The following MLF1 variants were observed in gnomAD, a reference collection of about 807,000 sequenced individuals.
MLF1 encodes myelodysplasia-myeloid leukemia factor 1.
In MLF1, 37 loss-of-function variants were observed where a neutral mutation model predicts 38.3. The ratio of observed to expected loss-of-function variants is 0.96; its 90% CI spans 0.74 to 1.27. The LOEUF is 1.27. Ranked by LOEUF, MLF1 falls within the 50% of genes most tolerant of loss-of-function variation. The probability of loss-of-function intolerance (pLI) is 0.00; values close to 1 mark genes in which losing one functional copy is unlikely to be tolerated. For missense variants in MLF1, 331 were observed against 349.2 expected (o/e 0.95, Z 0.42); for synonymous variants, 95 against 106.5 (o/e 0.89, Z 0.66).
intron 1 of MLF1, among the ~76,000 whole-genome samples, chr3:158,574,431 G>A (rs1715053471): frequency 1.3e-5 from 2 of 150,854 alleles, no homozygotes; most frequent in African/African-American, 4.9e-5. Context: ...ACTTTGGGAG[G>A]CCGAGGTGGG....
chr3:158,583,916 C>T (rs538856289), intron 1 of MLF1, among the ~76,000 whole-genome samples: 2 of 152,240 alleles, frequency 1.3e-5, no homozygotes, highest in South Asian at 2.1e-4. Context: ...ACCAACAGAG[C>T]TCCAACTGGA....
At position 158,598,124 on chromosome 3, in the gene MLF1, C is replaced by T. The variant is rs1473803473; in HGVS notation, c.369C>T (p.Ser123=). ...CAAATGGACATTCATTTTGTTCTTC[C>T]TCAGTTATGACTTATTCCAAAATAG... The part of the protein sequence containing the change: ...VDPNGHSFCS[S]SVMTYSKIGD... Residue 123 remains serine, a synonymous_variant, in exon 5 of 8, where the codon TCC becomes TCT. Transcript: ENST00000466246. 3 of 1,613,612 alleles carry T rather than the reference C, an allele frequency of 1.9e-6. No individual in the cohort carries two copies. In the Admixed American group the frequency reaches 5.0e-5, roughly 27 times the overall value.
Position 158,605,564 on chromosome 3 carries a change from A to G in MLF1, c.*362A>G. On this transcript the variant is annotated 3_prime_UTR_variant, in exon 8 of 8. Transcript: ENST00000466246. ...GTTCTATCACTTATAATTAGTTATA[A>G]GAAATTATAATGTTAAAAAAGTCTC... The G allele has an allele frequency of 4.8e-6, 1 of 206,974 alleles. No individual in the cohort carries two copies. The allele number at this position is 206,974 out of a possible 1,614,324, so 12.8% of individuals were successfully genotyped here. A position where few individuals can be genotyped will look rare whatever the true frequency, so the allele number is the denominator to read the frequency against.
Position 158,586,164 on chromosome 3 carries a change from C to CA in MLF1, c.48-6256dup, listed in dbSNP as rs11297914. 5.3e-3 allele frequency among the ~76,000 whole-genome samples: 659 copies of CA among 125,120 alleles called. 6 individuals are homozygous for CA. The highest frequency in any genetic ancestry group is 0.015 in the African/African-American group (524 of 34,686). The allele number at this position is 125,120 out of a possible 152,430, so 82.1% of individuals were successfully genotyped here. A position where few individuals can be genotyped will look rare whatever the true frequency, so the allele number is the denominator to read the frequency against. On this transcript the variant is annotated intron_variant, in intron 1 of 7. Transcript: ENST00000466246. ...GGGCAGCAAGAGTGAAACTCTGTCTCAAAAAAAAAAAAAAGAAAAGAAAAA... is the reference window on the plus strand; with the variant it reads ...GGGCAGCAAGAGTGAAACTCTGTCTCAAAAAAAAAAAAAAAGAAAAGAAAAA...
intron 1 of MLF1, among the ~76,000 whole-genome samples, chr3:158,575,830 A>T (rs185848487): frequency 6.6e-6 from 1 of 152,144 alleles, no homozygotes; most frequent in Non-Finnish European, 1.5e-5. Flanking sequence ...TAATTAGAAC[A>T]TTACGATTTT....
intron 3 of MLF1, 141 bp from the exon 4 acceptor site, chr3:158,596,721 A>G (rs1371370792): frequency 3.2e-5 from 17 of 533,578 alleles, no homozygotes; most frequent in Non-Finnish European, 5.4e-5. Flanking sequence ...TATATCCTCT[A>G]AGTTATCTTT....
intron 1 of MLF1, among the ~76,000 whole-genome samples, chr3:158,585,169 C>T (rs1717071159): frequency 6.6e-6 from 1 of 151,940 alleles, no homozygotes. Flanking sequence ...GTGTTTGGGT[C>T]ATGGGAGGGT....
At chr3:158,598,531 T>G (rs1322928782) in intron 5 of MLF1, among the ~76,000 whole-genome samples, 2 of 151,400 alleles carry the variant, frequency 1.3e-5, no homozygotes, top group Non-Finnish European at 2.9e-5. Flanking sequence ...TTTCATGAAA[T>G]TAATGTCTAT....
At chr3:158,595,100 A>G (rs1275524531) in intron 3 of MLF1, among the ~76,000 whole-genome samples, 3 of 152,184 alleles carry the variant, frequency 2.0e-5, no homozygotes, top group Non-Finnish European at 4.4e-5. Flanking sequence ...ATAAAGTGGG[A>G]AGATAGACAA....
intron 4 of MLF1, 75 bp downstream of exon 4, chr3:158,597,020 A>AG (rs1718981219): frequency 1.1e-6 from 1 of 923,780 alleles, no homozygotes; most frequent in African/African-American, 1.7e-5. Context: ...GCTTTCAAAC[A>AG]CTTTTTTAAC....
intron 1 of MLF1, among the ~76,000 whole-genome samples, chr3:158,572,791 G>A (rs1395823031): frequency 6.9e-6 from 1 of 143,936 alleles, no homozygotes; most frequent in Non-Finnish European, 1.5e-5. Flanking sequence ...GGGGAGGAGG[G>A]TTTGGGGGCG....
chr3:158,583,386 T>A (rs1211631131), intron 1 of MLF1, among the ~76,000 whole-genome samples: 1 of 152,052 alleles, frequency 6.6e-6, no homozygotes, highest in Non-Finnish European at 1.5e-5. Context: ...ATCTCAGACT[T>A]CCAGCCTCCA....
chr3:158,588,955 A>G (rs928678467), intron 1 of MLF1: 1 of 452,270 alleles, frequency 2.2e-6, no homozygotes, highest in Non-Finnish European at 4.4e-6. Flanking sequence ...TACTTGGGCC[A>G]GAGAAAACCA....
At chr3:158,603,008 CTGTTA>C (rs1324643148) in intron 7 of MLF1, 69 bp downstream of exon 7, 2 of 1,404,942 alleles carry the variant, frequency 1.4e-6, no homozygotes, top group Non-Finnish European at 1.9e-6. Context: ...TAATTTACTT[CTGTTA>C]TCAGAAAGTT....
intron 1 of MLF1, among the ~76,000 whole-genome samples, chr3:158,592,182 G>A (rs1718251135): frequency 6.6e-6 from 1 of 152,110 alleles, no homozygotes; most frequent in Non-Finnish European, 1.5e-5. Flanking sequence ...TGTTTCTCCT[G>A]AATGTGGAGT....
intron 1 of MLF1, chr3:158,590,665 A>G: frequency 2.5e-6 from 1 of 396,402 alleles, no homozygotes; most frequent in Non-Finnish European, 4.9e-6. Flanking sequence ...ATTCCATTAT[A>G]TGAAATCTGG....
intron 4 of MLF1, among the ~76,000 whole-genome samples, chr3:158,597,689 T>A (rs1719087445): frequency 6.6e-6 from 1 of 152,114 alleles, no homozygotes; most frequent in South Asian, 2.1e-4. Context: ...TTGATTGGCT[T>A]AATGTTGGCA....
chr3:158,596,104 A>G (rs991629153), intron 3 of MLF1, among the ~76,000 whole-genome samples: 3 of 151,936 alleles, frequency 2.0e-5, no homozygotes, highest in African/African-American at 7.3e-5. Flanking sequence ...TGCATCCCTG[A>G]CCTCCACCCA....
chr3:158,584,444 A>T (rs1576656071), intron 1 of MLF1, among the ~76,000 whole-genome samples: 1 of 152,210 alleles, frequency 6.6e-6, no homozygotes, highest in Non-Finnish European at 1.5e-5. Flanking sequence ...CCTATACAAC[A>T]TAATATCCAC....
Sources: gnomAD v4.1 joint callset for allele counts (sites outside exome capture counted in the v4.1 genomes callset) on GRCh38, gnomAD v4.1.1 for gene constraint, MANE v1.5 for transcripts, NCBI Gene and HGNC (gene_info 2026-07-23, HGNC 2026-07-21) for gene names.